SUCO: variants seen among roughly 807,000 people sequenced by gnomAD.
SUCO encodes the protein SUN domain containing ossification factor.
In SUCO, 57 loss-of-function variants were observed where a neutral mutation model predicts 148.1. That is an observed-to-expected ratio of 0.38 (90% CI 0.31 to 0.48). The LOEUF is 0.48. Among genes scored for constraint, SUCO ranks in the 20% least tolerant of loss-of-function variants. The probability of loss-of-function intolerance (pLI) is 0.96; values close to 1 mark genes in which losing one functional copy is unlikely to be tolerated. For synonymous variants in SUCO, 470 were observed against 502.7 expected, an observed-to-expected ratio of 0.93 and a Z score of 0.87; for missense variants, 1,331 against 1,468.2, an observed-to-expected ratio of 0.91 and a Z score of 1.53.
At position 172,589,151 on chromosome 1, in the gene SUCO, G is replaced by A. The variant is rs745810488; in HGVS notation, c.2050G>A (p.Glu684Lys). 2.5e-6 allele frequency: 4 copies of A among 1,613,770 alleles called. No homozygotes were observed. The highest frequency in any genetic ancestry group is 3.4e-6 in the Non-Finnish European group (4 of 1,179,888). ...TTCAGTATTGCAACCTCTGAGTGGAGAATTGGAAAATACGAATATAGAAAG... is the reference window on the plus strand; with the variant it reads ...TTCAGTATTGCAACCTCTGAGTGGAAAATTGGAAAATACGAATATAGAAAG... The part of the protein sequence containing the change: ...DVSVLQPLSG[E>K]LENTNIEREA... Residue 684 changes from glutamate (E) to lysine (K), a missense_variant, in exon 18 of 24, where the codon GAA (glutamate) becomes AAA (lysine). Glu to Lys is a moderately conservative substitution (Grantham distance 56). This residue lies in a region of SUCO where 992 missense variants were observed against 1,093.5 expected (regional missense o/e 0.91). Transcript: ENST00000263688.
chr1:172,545,893 T>TGTAC (rs1652816189), intron 1 of SUCO, among the ~76,000 whole-genome samples: 1 of 152,084 alleles, frequency 6.6e-6, no homozygotes, highest in Admixed American at 6.6e-5. Context: ...TCCGTCCTTC[T>TGTAC]GTCCGTCCGT....
At chr1:172,587,819 T>C (rs968606217) in intron 17 of SUCO, among the ~76,000 whole-genome samples, 1 of 152,080 alleles carries the variant, frequency 6.6e-6, no homozygotes, top group Admixed American at 6.6e-5. Context: ...GGTATTGAAA[T>C]TACCATATTT....
intron 23 of SUCO, 79 bp from the exon 24 acceptor site, chr1:172,609,737 A>T: frequency 3.3e-6 from 5 of 1,520,872 alleles, no homozygotes; most frequent in Non-Finnish European, 4.4e-6. Flanking sequence ...GCACTTCTCT[A>T]TTAGCTCAGC....
intron 1 of SUCO, among the ~76,000 whole-genome samples, chr1:172,537,078 TC>T (rs1652079282): frequency 6.6e-6 from 1 of 152,034 alleles, no homozygotes; most frequent in African/African-American, 2.4e-5. Context: ...TATACCATAC[TC>T]CCTCAGTCCT....
intron 19 of SUCO, among the ~76,000 whole-genome samples, chr1:172,591,321 CGTGCAAG>C (rs1656648682): frequency 6.6e-6 from 1 of 151,636 alleles, no homozygotes; most frequent in Non-Finnish European, 1.5e-5. Flanking sequence ...ATGTGTACAA[CGTGCAAG>C]TTTGTTACAT....
rs1175832067 is a variant in SUCO at position 172,557,388 on chromosome 1, A to G, written c.552A>G (p.Glu184=). ...GEALDASAPI[E]QPSFVSPPDS... ...CCCTTGATGCTAGTGCTCCAATTGA[A>G]CAACCTTCCTTTGTCAGTCCACCTG... Residue 184 remains glutamate (E), a synonymous_variant, in exon 5 of 24, where the codon GAA becomes GAG. Transcript: ENST00000263688. The G allele has an allele frequency of 6.2e-7, 1 of 1,614,012 alleles. No individual in the cohort carries two copies. Among genetic ancestry groups the G allele is most frequent in the South Asian group, 1.1e-5 (1 of 91,076 alleles).
chr1:172,554,920 G>A (rs913682052), intron 3 of SUCO, among the ~76,000 whole-genome samples: 4 of 151,760 alleles, frequency 2.6e-5, no homozygotes, highest in Non-Finnish European at 4.4e-5. Flanking sequence ...TTCCCCAAAT[G>A]ATCATACTTT....
chr1:172,599,128 G>A (rs564052896), intron 19 of SUCO, among the ~76,000 whole-genome samples: 65 of 151,928 alleles, frequency 4.3e-4, no homozygotes, highest in African/African-American at 1.5e-3. Flanking sequence ...TCAAATTTTC[G>A]ACCATCCTGG....
rs771037692 is a variant in SUCO, at chr1:172,589,086, C to T, written c.1985C>T (p.Ala662Val). The T allele has an allele frequency of 1.9e-6, 3 of 1,613,484 alleles. No homozygotes were observed. The highest frequency in any genetic ancestry group is 1.7e-6 in the Non-Finnish European group (2 of 1,179,778). The change falls in exon 18 of 24, where the codon GCT becomes GTT. Residue 662 changes from alanine to valine, a missense_variant. Around this residue, in one of 3 missense-constraint regions of SUCO, gnomAD observed 992 missense variants for 1,093.5 expected, o/e 0.91. Transcript: ENST00000263688. The stretch of plus-strand genomic sequence containing the variant: ...AAAGGAAAAGATTATCTTGTGTTAG[C>T]TCAACCACCCTTACTACTTCCTGCG... ...LSKGKDYLVL[A>V]QPPLLLPAES...
intron 11 of SUCO, chr1:172,576,774 CCTT>C (rs914750316): frequency 2.7e-5 from 11 of 409,424 alleles, no homozygotes; most frequent in Admixed American, 6.4e-5. Context: ...TTATAAAAAA[CCTT>C]CTTTGGTAGA....
At chr1:172,535,797 C>T (rs1025945912) in intron 1 of SUCO, among the ~76,000 whole-genome samples, 4 of 152,168 alleles carry the variant, frequency 2.6e-5, no homozygotes, top group African/African-American at 9.7e-5. Context: ...CCCTCTCATG[C>T]TACCAATATT....
chr1:172,550,980 T>C (rs778329868), intron 1 of SUCO: 47 of 607,196 alleles, frequency 7.7e-5, no homozygotes, highest in Non-Finnish European at 8.5e-5. Context: ...CTTTCTTTTT[T>C]ATTGTTTTCT....
chr1:172,532,697 C>T, upstream of SUCO: 1 of 1,613,988 alleles, frequency 6.2e-7, no homozygotes, highest in South Asian at 1.1e-5. Context: ...CTAACAAAAC[C>T]ATGGATTCTA....
In SUCO at chr1:172,607,671, A is replaced by T. The variant is rs182857922; in HGVS notation, c.3266-1076A>T. Among the ~76,000 whole-genome samples the T allele has an allele frequency of 1.1e-3, 163 of 145,092 alleles. 1 individual carries two copies. The highest frequency in any genetic ancestry group is 3.4e-3 in the Middle Eastern group (1 of 294). ...TTCAATGCTTTTAGTGATTTTTTTT[A>T]AAAAAAACAAACTATCATTACTTAG... On this transcript the variant is annotated intron_variant, in intron 22 of 23. Transcript: ENST00000263688.
chr1:172,609,811 TGTA>T lies in SUCO; in HGVS notation c.3322-3_3322-1del. The T allele has an allele frequency of 6.3e-7, 1 of 1,588,088 alleles. No individual in the cohort carries two copies. Among genetic ancestry groups the T allele is most frequent in the South Asian group, 1.2e-5 (1 of 85,886 alleles). On this transcript the variant is annotated splice_acceptor_variant and splice_polypyrimidine_tract_variant and intron_variant, in intron 23 of 23. Coordinates refer to ENST00000263688, the MANE Select transcript of SUCO (RefSeq NM_014283.5). LOFTEE classifies it high-confidence loss of function. ...TTACTAACTTTTCTTTTACTTGTGT[TGTA>T]GAAGAAGCGCTGCAAGTACAAAATT...
intron 22 of SUCO, among the ~76,000 whole-genome samples, chr1:172,605,322 G>A (rs1316197227): frequency 6.6e-6 from 1 of 151,744 alleles, no homozygotes. Flanking sequence ...AATCTATTTT[G>A]TGTTGATTTT....
intron 15 of SUCO, among the ~76,000 whole-genome samples, chr1:172,581,120 C>G (rs961995620): frequency 2.0e-5 from 3 of 151,968 alleles, no homozygotes; most frequent in Non-Finnish European, 2.9e-5. Flanking sequence ...CAAAACAAAA[C>G]AAAACAAAAA....
chr1:172,575,466 C>A lies in SUCO; in HGVS notation c.1158-52C>A, dbSNP rs543408849. ...ATTTTGAAAATATGATAGAACCTTT[C>A]AATATGTGGTTTATAATTTTTAAAA... On this transcript the variant is annotated intron_variant, in intron 10 of 23. Coordinates refer to ENST00000263688, the MANE Select transcript of SUCO (RefSeq NM_014283.5). 2.7e-4 allele frequency: 350 copies of A among 1,291,452 alleles called. 4 individuals carry two copies. In the South Asian group the frequency reaches 4.3e-3, roughly 16 times the overall value. The allele number at this position is 1,291,452 out of a possible 1,614,324, so 80.0% of individuals were successfully genotyped here.
intron 19 of SUCO, among the ~76,000 whole-genome samples, chr1:172,592,552 G>A (rs1322343537): frequency 6.6e-6 from 1 of 152,114 alleles, no homozygotes; most frequent in Non-Finnish European, 1.5e-5. Context: ...CCCATTTCTT[G>A]TTTTGGTCAG....
Sources: allele counts gnomAD v4.1 joint callset (sites outside exome capture counted in the v4.1 genomes callset), GRCh38; gene constraint gnomAD v4.1.1; regional missense constraint gnomAD v4.1.1; transcripts MANE v1.5; gene names NCBI Gene and HGNC (gene_info 2026-07-23, HGNC 2026-07-21).